AATK: variants seen among roughly 807,000 people sequenced by gnomAD.
The protein encoded by AATK is serine/threonine-protein kinase LMTK1.
In AATK, 91 loss-of-function variants were observed where a neutral mutation model predicts 114.3. The observed-to-expected ratio is 0.80, with a 90% CI of 0.67 to 0.95. AATK has a LOEUF of 0.95. Among genes scored for constraint, AATK ranks in the 40% least tolerant of loss-of-function variants. The probability of loss-of-function intolerance (pLI) is 0.00; values close to 1 mark genes in which losing one functional copy is unlikely to be tolerated. For synonymous variants in AATK, 1,075 were observed against 916.5 expected (o/e 1.17, Z -3.12); for missense variants, 2,176 against 1,965.2 (o/e 1.11, Z -2.03).
chr17:81,128,622 A>G (rs1382721692), intron 3 of AATK, 73 bp from the exon 4 acceptor site: 1 of 1,541,034 alleles, frequency 6.5e-7, no homozygotes, highest in African/African-American at 1.4e-5. Context: ...CGGCCCCTGG[A>G]GGGGCTGCCC....
intron 1 of AATK, among the ~76,000 whole-genome samples, chr17:81,138,153 G>A (rs1348841122): frequency 3.5e-5 from 5 of 143,454 alleles, no homozygotes; most frequent in Non-Finnish European, 6.1e-5. Context: ...ATACGCGCAC[G>A]CCCACATGCA....
At chr17:81,133,976 G>C (rs2060973868) in intron 2 of AATK, among the ~76,000 whole-genome samples, 1 of 152,150 alleles carries the variant, frequency 6.6e-6, no homozygotes, top group Non-Finnish European at 1.5e-5. Context: ...AGGGACGTGA[G>C]AGCCCCTTGC....
At chr17:81,138,650 TA>T (rs2061068792) in intron 1 of AATK, among the ~76,000 whole-genome samples, 4 of 82,052 alleles carry the variant, frequency 4.9e-5, no homozygotes, top group Admixed American at 1.5e-4. Context: ...CATCCACACA[TA>T]CCCACACACA....
At chr17:81,119,646 C>T in intron 12 of AATK, 66 bp from the exon 13 acceptor site, 1 of 1,285,592 alleles carries the variant, frequency 7.8e-7, no homozygotes, top group African/African-American at 1.8e-5. Context: ...CCCGCTCCCA[C>T]AGTCACGGGC....
In AATK at chr17:81,122,593, G is replaced by A; in HGVS notation, c.1343C>T (p.Pro448Leu). ...VVELAAASSFPLLEQFAGDGF... is the reference protein window; with the variant it reads ...VVELAAASSFLLLEQFAGDGF... ...GTCGCCCGCGAACTGCTCCAGCAGCGGGAAGGACGAGGCAGCGGCGAGCTC... is the reference window on the plus strand; with the variant it reads ...GTCGCCCGCGAACTGCTCCAGCAGCAGGAAGGACGAGGCAGCGGCGAGCTC... The change falls in exon 11 of 14, where the codon CCG (proline) becomes CTG (leucine). Residue 448 changes from proline (P) to leucine (L), a missense_variant. Around this residue, in one of 4 missense-constraint regions of AATK, gnomAD observed 1,701 missense variants for 1,394.7 expected, o/e 1.22. Coordinates refer to ENST00000326724, the MANE Select transcript of AATK (RefSeq NM_001080395.3). 2.1e-6 allele frequency: 3 copies of A among 1,440,132 alleles called. No individual in the cohort carries two copies. Among genetic ancestry groups the A allele is most frequent in the South Asian group, 1.3e-5 (1 of 76,280 alleles). 89.2% of individuals were successfully genotyped at this position (1,440,132 alleles called of 1,614,324 possible). A position where few individuals can be genotyped will look rare whatever the true frequency, so the allele number is the denominator to read the frequency against.
chr17:81,157,031 C>T (rs1176466977), intron 1 of AATK, among the ~76,000 whole-genome samples: 2 of 152,166 alleles, frequency 1.3e-5, no homozygotes, highest in African/African-American at 4.8e-5. Context: ...GTGGCGGCAT[C>T]GTGCCCAGCC....
At chr17:81,160,028 G>A (rs931490734) in intron 1 of AATK, among the ~76,000 whole-genome samples, 8 of 152,152 alleles carry the variant, frequency 5.3e-5, no homozygotes, top group Non-Finnish European at 1.0e-4. Flanking sequence ...GAGCAGCCCT[G>A]GCTCGGGGTA....
chr17:81,161,122 A>G (rs1016512437), intron 1 of AATK, among the ~76,000 whole-genome samples: 1 of 152,174 alleles, frequency 6.6e-6, no homozygotes, highest in African/African-American at 2.4e-5. Flanking sequence ...AGACCCAAGG[A>G]GACCCCCAGA....
chr17:81,129,993 GC>G (rs1465287391), intron 3 of AATK, among the ~76,000 whole-genome samples: 1 of 152,246 alleles, frequency 6.6e-6, no homozygotes, highest in Non-Finnish European at 1.5e-5. Flanking sequence ...GGGGCTGGGG[GC>G]CCTCTCTAGG....
rs1370927097 is a variant in AATK, at chr17:81,120,201, C to A, written c.3735G>T (p.Gln1245His). The change falls in exon 11 of 14, where the codon CAG becomes CAT. Residue 1245 changes from glutamine to histidine, a missense_variant and splice_region_variant. Physicochemically the swap from Gln to His is conservative, Grantham distance 24 (BLOSUM62 0). Coordinates refer to ENST00000326724, the MANE Select transcript of AATK (RefSeq NM_001080395.3). ...CAGACCCCGGGTGGCGGCGGCCCACCTGGTCAAAGAGGTAGACGGTGACGT... is the reference window on the plus strand; with the variant it reads ...CAGACCCCGGGTGGCGGCGGCCCACATGGTCAAAGAGGTAGACGGTGACGT... Reference protein sequence around the residue: ...FDDVTVYLFDQESPTRELGEP... With the variant: ...FDDVTVYLFDHESPTRELGEP... 1 of 1,565,060 alleles carries A rather than the reference C, an allele frequency of 6.4e-7. No individual in the cohort carries two copies. Among genetic ancestry groups the A allele is most frequent in the African/African-American group, 1.4e-5 (1 of 73,468 alleles).
In AATK at chr17:81,126,893, C is replaced by T. The variant is rs1007583960; in HGVS notation, c.622-333G>A. On this transcript the variant is annotated intron_variant, in intron 6 of 13. Transcript: ENST00000326724. The surrounding 1 kb of genome is among the most constrained non-coding windows in gnomAD (Gnocchi z 5.1). ...CTGGGGCTGGTGGTCGAGGGTTGGC[C>T]GGCAGCCCCTGACCTGCCGAAAGCC... 47 of 1,133,104 alleles carry T rather than the reference C, an allele frequency of 4.1e-5. No individual in the cohort carries two copies. The highest frequency in any genetic ancestry group is 4.8e-5 in the Non-Finnish European group (44 of 916,730). The allele number at this position is 1,133,104 out of a possible 1,614,324, so 70.2% of individuals were successfully genotyped here.
chr17:81,122,566 C>G lies in AATK; in HGVS notation c.1370G>C (p.Gly457Ala), dbSNP rs777514215. The change falls in exon 11 of 14, where the codon GGC becomes GCC. Residue 457 changes from glycine to alanine, a missense_variant. Transcript: ENST00000326724. ...CACGTCGTCGCCGTCCGCGTGGAAGCCGTCGCCCGCGAACTGCTCCAGCAG... is the reference window on the plus strand; with the variant it reads ...CACGTCGTCGCCGTCCGCGTGGAAGGCGTCGCCCGCGAACTGCTCCAGCAG... The part of the protein sequence containing the change: ...FPLLEQFAGD[G>A]FHADGDDVLT... 2.0e-6 allele frequency: 3 copies of G among 1,469,432 alleles called. No individual in the cohort carries two copies. The South Asian group carries it at 3.8e-5, about 18-fold the overall frequency. The allele number at this position is 1,469,432 out of a possible 1,614,324, so 91.0% of individuals were successfully genotyped here. A position where few individuals can be genotyped will look rare whatever the true frequency, so the allele number is the denominator to read the frequency against.
intron 1 of AATK, among the ~76,000 whole-genome samples, chr17:81,155,295 C>T (rs1368799502): frequency 2.0e-5 from 3 of 152,212 alleles, no homozygotes; most frequent in African/African-American, 2.4e-5. Flanking sequence ...GTATTTCAGA[C>T]GAACGCAGTG....
At position 81,134,445 on chromosome 17, in the gene AATK, A is replaced by T. The variant is rs1194448090; in HGVS notation, c.112T>A (p.Ser38Thr). The T allele has an allele frequency of 1.9e-6, 3 of 1,613,248 alleles. No homozygotes were observed. The highest frequency in any genetic ancestry group is 3.3e-5 in the Admixed American group (2 of 60,018). Residue 38 changes from serine to threonine, a missense_variant, in exon 2 of 14, where the codon TCT (serine) becomes ACT (threonine). By Grantham distance (58) the Ser-to-Thr change is moderately conservative. This residue lies in a region of AATK where 178 missense variants were observed against 175.4 expected (regional missense o/e 1.01). Transcript: ENST00000326724. ...ATGACGGCGAAGAGCCCGGAGAAAG[A>T]CACAGCCACCACGGCGAGGGAGGAT... Reference protein sequence around the residue: ...WPSSLAVVAVSFSGLFAVIVL... With the variant: ...WPSSLAVVAVTFSGLFAVIVL...
At chr17:81,118,588 T>C in intron 13 of AATK, 146 bp from the exon 14 acceptor site, 1 of 795,564 alleles carries the variant, frequency 1.3e-6, no homozygotes, top group Non-Finnish European at 2.1e-6. Flanking sequence ...AGGTGAGAGA[T>C]GGACCCATTT....
intron 1 of AATK, among the ~76,000 whole-genome samples, chr17:81,154,820 G>A (rs1457163955): frequency 2.7e-5 from 3 of 109,934 alleles, no homozygotes; most frequent in Admixed American, 7.8e-5. Context: ...AGTAGAGACG[G>A]GGTTTCAACA....
At position 81,122,820 on chromosome 17, in the gene AATK, G is replaced by T; in HGVS notation, c.1116C>A (p.Tyr372Ter). The T allele has an allele frequency of 6.5e-7, 1 of 1,535,064 alleles. No individual in the cohort carries two copies. Among genetic ancestry groups the T allele is most frequent in the Non-Finnish European group, 8.8e-7 (1 of 1,137,866 alleles). Residue 372 changes from tyrosine (Y) to a stop codon, truncating the protein, a stop_gained, in exon 11 of 14, where the codon TAC (tyrosine) becomes TAA (stop). Transcript: ENST00000326724. LOFTEE classifies it high-confidence loss of function. The stretch of plus-strand genomic sequence containing the variant: ...GCAGCCAGCAGAACTGCATCACCTC[G>T]TACCTGCGAGGAGGTCCCCCGGGGG... ...QLQLTLSDRW[Y>*]EVMQFCWLQP...
intron 1 of AATK, among the ~76,000 whole-genome samples, chr17:81,138,825 A>G (rs1478753943): frequency 6.9e-6 from 1 of 145,418 alleles, no homozygotes; most frequent in Admixed American, 6.8e-5. Flanking sequence ...CACCCACGTG[A>G]GCGCACACAC....
chr17:81,125,834 G>C (rs1242252689), intron 7 of AATK: 2 of 459,374 alleles, frequency 4.4e-6, no homozygotes, highest in Non-Finnish European at 9.1e-6. Context: ...GGGGTTGGGG[G>C]CAGGGCAGCT....
Sources: gnomAD v4.1 joint callset for allele counts (sites outside exome capture counted in the v4.1 genomes callset) on GRCh38, gnomAD v4.1.1 for gene constraint, gnomAD v4.1.1 regional missense constraint, Gnocchi (gnomAD v3.1) non-coding constraint, MANE v1.5 for transcripts, NCBI Gene and HGNC (gene_info 2026-07-23, HGNC 2026-07-21) for gene names.